PHLPP2: variants seen among roughly 807,000 people sequenced by gnomAD.
The protein encoded by PHLPP2 is PH domain and leucine rich repeat protein phosphatase 2.
PHLPP2 carries 66 observed loss-of-function variants against 124.9 expected under a neutral mutation model. That is an observed-to-expected ratio of 0.53 (90% confidence interval 0.43 to 0.65). PHLPP2 has a LOEUF of 0.65. Ranked by LOEUF, PHLPP2 falls within the 30% of genes least tolerant of loss-of-function variation. The pLI, the probability that PHLPP2 is intolerant of heterozygous loss-of-function variation, is 0.00. For missense variants in PHLPP2, 1,685 were observed against 1,600.4 expected (o/e 1.05, Z -0.90); for synonymous variants, 681 against 624.7 (o/e 1.09, Z -1.34).
chr16:71,723,858 C>T lies in PHLPP2; in HGVS notation c.-7+471G>A, dbSNP rs540471429. The T allele has an allele frequency of 3.1e-3, 3,671 of 1,200,390 alleles. 8 individuals carry two copies. Among genetic ancestry groups the T allele is most frequent in the Non-Finnish European group, 3.6e-3 (3,471 of 966,674 alleles). The allele number at this position is 1,200,390 out of a possible 1,614,324, so 74.4% of individuals were successfully genotyped here. Reference sequence around the variant, plus strand: ...AGCGGGCCCGCGGGCCCCGGCTCCACCTCCCCCATCGGCGACCCAGGATTC... The same window carrying T: ...AGCGGGCCCGCGGGCCCCGGCTCCATCTCCCCCATCGGCGACCCAGGATTC... On this transcript the variant is annotated intron_variant, in intron 1 of 18. Transcript: ENST00000568954.
intron 5 of PHLPP2, 115 bp downstream of exon 5, chr16:71,684,361 G>A: frequency 1.0e-6 from 1 of 990,082 alleles, no homozygotes; most frequent in Non-Finnish European, 1.5e-6. Context: ...CCCAACCTCA[G>A]GTGATCCGTC....
intron 12 of PHLPP2, among the ~76,000 whole-genome samples, chr16:71,665,838 T>G (rs1371802969): frequency 6.6e-6 from 1 of 152,206 alleles, no homozygotes; most frequent in Non-Finnish European, 1.5e-5. Flanking sequence ...AAATGTTACA[T>G]AAAGAAAACT....
chr16:71,719,220 C>T (rs2045382051), intron 1 of PHLPP2, among the ~76,000 whole-genome samples: 2 of 152,302 alleles, frequency 1.3e-5, no homozygotes, highest in Admixed American at 6.5e-5. Flanking sequence ...AACAAGTATA[C>T]AAAGAGCGTA....
At chr16:71,699,160 T>C (rs2045203972) in intron 3 of PHLPP2, among the ~76,000 whole-genome samples, 1 of 152,160 alleles carries the variant, frequency 6.6e-6, no homozygotes, top group Non-Finnish European at 1.5e-5. Context: ...TATGATAGTT[T>C]TGATAGAGAC....
intron 2 of PHLPP2, among the ~76,000 whole-genome samples, chr16:71,707,144 A>C (rs2045280999): frequency 6.6e-6 from 1 of 151,248 alleles, no homozygotes; most frequent in Admixed American, 6.6e-5. Flanking sequence ...TTTAGTAGAG[A>C]CGGGGTTTCA....
intron 3 of PHLPP2, among the ~76,000 whole-genome samples, chr16:71,696,841 A>G (rs1022522848): frequency 6.6e-6 from 1 of 152,064 alleles, no homozygotes; most frequent in Non-Finnish European, 1.5e-5. Flanking sequence ...CATTCAAGTG[A>G]GCATTCTGTT....
intron 8 of PHLPP2, chr16:71,678,469 C>T (rs1465633279): frequency 3.1e-6 from 1 of 321,728 alleles, no homozygotes; most frequent in African/African-American, 2.2e-5. Flanking sequence ...GAAACCTCAT[C>T]TCTACTAAAA....
At chr16:71,715,701 G>A (rs2045357813) in intron 1 of PHLPP2, among the ~76,000 whole-genome samples, 1 of 151,418 alleles carries the variant, frequency 6.6e-6, no homozygotes, top group Non-Finnish European at 1.5e-5. Flanking sequence ...ACTTTAGGCT[G>A]GGCAAGGTGG....
chr16:71,653,542 T>A (rs1596987090), intron 17 of PHLPP2, among the ~76,000 whole-genome samples: 1 of 152,174 alleles, frequency 6.6e-6, no homozygotes, highest in Non-Finnish European at 1.5e-5. Context: ...TTCCCCCATA[T>A]GCAGGGCATC....
At chr16:71,690,175 G>A (rs979705692) in intron 4 of PHLPP2, among the ~76,000 whole-genome samples, 6 of 151,708 alleles carry the variant, frequency 4.0e-5, no homozygotes, top group Non-Finnish European at 8.8e-5. Context: ...AATTGGGGGG[G>A]AAAAAAAACC....
At chr16:71,715,803 C>T (rs1042234634) in intron 1 of PHLPP2, among the ~76,000 whole-genome samples, 1 of 147,814 alleles carries the variant, frequency 6.8e-6, no homozygotes, top group Non-Finnish European at 1.5e-5. Flanking sequence ...CATGGTAAAG[C>T]CCCATCTCCA....
chr16:71,692,792 G>C (rs1232188799), intron 3 of PHLPP2, among the ~76,000 whole-genome samples: 1 of 151,084 alleles, frequency 6.6e-6, no homozygotes, highest in East Asian at 2.0e-4. Context: ...TAAATGTTAA[G>C]TAAATAGTTG....
intron 9 of PHLPP2, among the ~76,000 whole-genome samples, chr16:71,674,980 G>A (rs2044932883): frequency 6.6e-6 from 1 of 152,250 alleles, no homozygotes; most frequent in South Asian, 2.1e-4. Context: ...CTGGGCAACA[G>A]AGCTAGACTC....
intron 1 of PHLPP2, among the ~76,000 whole-genome samples, chr16:71,719,890 C>T (rs1284861958): frequency 6.6e-6 from 1 of 150,430 alleles, no homozygotes; most frequent in African/African-American, 2.4e-5. Context: ...CTCCACCGCC[C>T]GGGTTCAAGC....
intron 18 of PHLPP2, among the ~76,000 whole-genome samples, chr16:71,651,206 C>G (rs199812843): frequency 6.6e-6 from 1 of 152,134 alleles, no homozygotes; most frequent in South Asian, 2.1e-4. Flanking sequence ...GGTATAGTGG[C>G]GCATGCCTAT....
intron 18 of PHLPP2, among the ~76,000 whole-genome samples, chr16:71,650,905 A>G (rs140518857): frequency 5.1e-4 from 78 of 152,368 alleles, no homozygotes; most frequent in African/African-American, 1.7e-3. Context: ...CTAGGGCCCA[A>G]CAATTCATGG....
chr16:71,652,853 G>T lies in PHLPP2; in HGVS notation c.2754C>A (p.Phe918Leu), dbSNP rs746264274. The T allele has an allele frequency of 6.2e-6, 10 of 1,614,180 alleles. No homozygotes were observed. The South Asian group carries it at 1.1e-4, about 18-fold the overall frequency. ...CCTCCTCTGGGTCCTGCTCCAGGCT[G>T]AAGACTTTAGAGAGGGGCACTGGCT... ...GGKPVPLSKV[F>L]SLEQDPEEAQ... Residue 918 changes from phenylalanine to leucine, a missense_variant, in exon 18 of 19, where the codon TTC becomes TTA. Coordinates refer to ENST00000568954, the MANE Select transcript of PHLPP2 (RefSeq NM_015020.3).
rs188624672 is a variant in PHLPP2 at position 71,703,022 on chromosome 16, G to A, written c.285-291C>T. ...TATTATTTAGCTACCACTTGTAAGA[G>A]AGAACAGGTAGTATTTGACTTTCTG... is the stretch of plus-strand genomic sequence containing the variant. On this transcript the variant is annotated intron_variant, in intron 2 of 18. Coordinates refer to ENST00000568954, the MANE Select transcript of PHLPP2 (RefSeq NM_015020.3). Among the ~76,000 whole-genome samples, 4 of 152,198 alleles carry A rather than the reference G, an allele frequency of 2.6e-5. No homozygotes were observed. The East Asian group carries it at 5.8e-4, about 22-fold the overall frequency.
In PHLPP2 at chr16:71,652,961, A is replaced by T; in HGVS notation, c.2646T>A (p.Pro882=). ...GSSALLCYIR[P]DTADPASSFS... ...AGCTACTTGCTGGATCGGCAGTGTC[A>T]GGGCGGATGTAGCACAGGAGAGCGG... The change falls in exon 18 of 19, where the codon CCT becomes CCA. Residue 882 remains proline, a synonymous_variant. Transcript: ENST00000568954. 6.2e-7 allele frequency: 1 copy of T among 1,614,060 alleles called. No individual in the cohort carries two copies. Among genetic ancestry groups the T allele is most frequent in the Non-Finnish European group, 8.5e-7 (1 of 1,180,024 alleles).
Sources: gnomAD v4.1 joint callset for allele counts (sites outside exome capture counted in the v4.1 genomes callset) on GRCh38, gnomAD v4.1.1 for gene constraint, MANE v1.5 for transcripts, NCBI Gene and HGNC (gene_info 2026-07-23, HGNC 2026-07-21) for gene names.